The following MTUS2 variants were observed in gnomAD, a reference collection of about 807,000 sequenced individuals.
The protein encoded by MTUS2 is microtubule associated scaffold protein 2, also known as microtubule-associated tumor suppressor candidate 2.
Under a neutral mutation model 114.1 loss-of-function variants are expected in MTUS2, and 40 were observed. That is an observed-to-expected ratio of 0.35 (90% confidence interval 0.27 to 0.46). The LOEUF (loss-of-function observed/expected upper bound fraction) is 0.46. Among genes scored for constraint, MTUS2 ranks in the 20% least tolerant of loss-of-function variants. The pLI, the probability that MTUS2 is intolerant of heterozygous loss-of-function variation, is 1.00. For missense variants in MTUS2, 1,679 were observed against 1,705.4 expected, an observed-to-expected ratio of 0.98 and a Z score of 0.27; for synonymous variants, 688 against 672.0, an observed-to-expected ratio of 1.02 and a Z score of -0.37.
chr13:29,274,915 T>C (rs1898005668), intron 5 of MTUS2, among the ~76,000 whole-genome samples: 1 of 152,096 alleles, frequency 6.6e-6, no homozygotes, highest in Non-Finnish European at 1.5e-5. Context: ...TTAAATTTTT[T>C]GTAGAGACAG....
chr13:28,999,527 G>A (rs149411345), intron 2 of MTUS2, among the ~76,000 whole-genome samples: 2 of 152,168 alleles, frequency 1.3e-5, no homozygotes, highest in Non-Finnish European at 2.9e-5. Flanking sequence ...CATATTTATG[G>A]GGTACCATGT....
chr13:29,387,524 C>T (rs1345054615), intron 8 of MTUS2, among the ~76,000 whole-genome samples: 1 of 152,100 alleles, frequency 6.6e-6, no homozygotes, highest in African/African-American at 2.4e-5. Flanking sequence ...AGGTCATGAG[C>T]CCCTGAAGAT....
intron 5 of MTUS2, among the ~76,000 whole-genome samples, chr13:29,181,571 C>G (rs759966358): frequency 6.6e-6 from 1 of 152,076 alleles, no homozygotes; most frequent in Non-Finnish European, 1.5e-5. Flanking sequence ...ACTTTGCTTG[C>G]CTCGGGGTTA....
intron 10 of MTUS2, 115 bp from the exon 11 acceptor site, chr13:29,487,785 C>A: frequency 1.2e-6 from 1 of 826,422 alleles, no homozygotes. Context: ...TGCTTCGGCA[C>A]AAGGCTGTGA....
intron 9 of MTUS2, among the ~76,000 whole-genome samples, chr13:29,471,640 C>A (rs1451894200): frequency 6.6e-6 from 1 of 152,072 alleles, no homozygotes; most frequent in Non-Finnish European, 1.5e-5. Flanking sequence ...ATTGTCCTCC[C>A]TCCCACTATT....
Position 29,505,312 on chromosome 13 carries a change from A to T in MTUS2, c.*2106A>T, listed in dbSNP as rs1883160702. On this transcript the variant is annotated 3_prime_UTR_variant, in exon 16 of 16. Transcript: ENST00000612955. ...TCCGTGTGATGCTAGAACGTGGTACAGTGTATTAGGCTGCTGTGGTCAGAG... is the reference window on the plus strand; with the variant it reads ...TCCGTGTGATGCTAGAACGTGGTACTGTGTATTAGGCTGCTGTGGTCAGAG... The T allele has an allele frequency of 1.7e-5, 4 of 231,824 alleles. No individual in the cohort carries two copies. Among genetic ancestry groups the T allele is most frequent in the East Asian group, 1.2e-4 (2 of 16,334 alleles). The allele number at this position is 231,824 out of a possible 1,614,324, so 14.4% of individuals were successfully genotyped here. A position where few individuals can be genotyped will look rare whatever the true frequency, so the allele number is the denominator to read the frequency against.
rs535716498 is a variant in MTUS2 at position 29,245,720 on chromosome 13, G to A, written c.2645-35984G>A. Among the ~76,000 whole-genome samples, 657 of 130,652 alleles carry A rather than the reference G, an allele frequency of 5.0e-3. 7 individuals carry two copies. Among genetic ancestry groups the A allele is most frequent in the African/African-American group, 0.018 (607 of 34,546 alleles). The allele number at this position is 130,652 out of a possible 152,430, so 85.7% of individuals were successfully genotyped here. On this transcript the variant is annotated intron_variant, in intron 5 of 15. Coordinates refer to ENST00000612955, the MANE Select transcript of MTUS2 (RefSeq NM_001033602.4). ...TTTTTTTTTTTTTTTTTTTTGAGAC[G>A]GAGTCTCGCTCTGTCACCCAGGCTG...
chr13:28,959,393 T>C (rs1593334413), intron 2 of MTUS2, among the ~76,000 whole-genome samples: 1 of 152,168 alleles, frequency 6.6e-6, no homozygotes, highest in African/African-American at 2.4e-5. Context: ...AGCAATGAGG[T>C]CGCATACCCC....
At chr13:29,190,173 C>T (rs973161181) in intron 5 of MTUS2, among the ~76,000 whole-genome samples, 1 of 152,196 alleles carries the variant, frequency 6.6e-6, no homozygotes, top group Non-Finnish European at 1.5e-5. Context: ...TTCGTTATAG[C>T]AGCCTAAGCA....
At chr13:29,204,773 C>G (rs953772824) in intron 5 of MTUS2, among the ~76,000 whole-genome samples, 4 of 152,226 alleles carry the variant, frequency 2.6e-5, no homozygotes, top group Non-Finnish European at 5.9e-5. Flanking sequence ...AGTCTGCAGC[C>G]GGGACCACGT....
intron 2 of MTUS2, among the ~76,000 whole-genome samples, chr13:28,997,527 G>T (rs1885170214): frequency 6.6e-6 from 1 of 152,168 alleles, no homozygotes; most frequent in Non-Finnish European, 1.5e-5. Flanking sequence ...GGGAGCCTAA[G>T]TCTCTTTGTA....
intron 5 of MTUS2, among the ~76,000 whole-genome samples, chr13:29,163,970 T>G (rs1047930231): frequency 6.6e-6 from 1 of 152,162 alleles, no homozygotes; most frequent in African/African-American, 2.4e-5. Context: ...GCCCTTTTGC[T>G]AAACGTCGCT....
chr13:29,085,769 T>C (rs1359934467), intron 4 of MTUS2, among the ~76,000 whole-genome samples: 1 of 152,238 alleles, frequency 6.6e-6, no homozygotes, highest in Non-Finnish European at 1.5e-5. Context: ...TGTATCTTTT[T>C]GGTAGAATGA....
chr13:29,137,673 G>A (rs6490357), intron 5 of MTUS2, among the ~76,000 whole-genome samples: 136,961 of 151,802 alleles, frequency 0.9, 61,818 homozygotes, highest in Admixed American at 0.93. Flanking sequence ...CTGGAGTACA[G>A]TGGCGTGATC....
chr13:28,991,367 ATTT>A (rs34590167), intron 2 of MTUS2, among the ~76,000 whole-genome samples: 2,440 of 125,468 alleles, frequency 0.019, 57 homozygotes, highest in African/African-American at 0.068. Flanking sequence ...TGTCTCTTCA[ATTT>A]TTTTTTTTTT....
chr13:29,440,330 A>G (rs1877740838), intron 9 of MTUS2, among the ~76,000 whole-genome samples: 4 of 152,184 alleles, frequency 2.6e-5, no homozygotes, highest in Admixed American at 2.0e-4. Context: ...ATCAGTCTGC[A>G]CTGATCTATC....
chr13:29,356,017 A>T (rs992637769), intron 7 of MTUS2, among the ~76,000 whole-genome samples: 6 of 152,194 alleles, frequency 3.9e-5, no homozygotes, highest in Non-Finnish European at 8.8e-5. Context: ...AAAGAGTCTA[A>T]GTAGGTTCTG....
chr13:29,005,591 T>G (rs541479462), intron 2 of MTUS2, among the ~76,000 whole-genome samples: 176 of 152,126 alleles, frequency 1.2e-3, no homozygotes, highest in Non-Finnish European at 2.1e-3. Context: ...GGAAAGGCAT[T>G]AAGTGCTGTA....
At chr13:29,014,416 T>A (rs1263903053) in intron 2 of MTUS2, among the ~76,000 whole-genome samples, 1 of 152,216 alleles carries the variant, frequency 6.6e-6, no homozygotes, top group Non-Finnish European at 1.5e-5. Flanking sequence ...CCATACTAAT[T>A]CATTCAACGG....
Sources: gnomAD v4.1 joint callset for allele counts (sites outside exome capture counted in the v4.1 genomes callset) on GRCh38, gnomAD v4.1.1 for gene constraint, MANE v1.5 for transcripts, NCBI Gene and HGNC (gene_info 2026-07-23, HGNC 2026-07-21) for gene names.